GATAD2A: variants seen among roughly 807,000 people sequenced by gnomAD.
The protein encoded by GATAD2A is GATA zinc finger domain containing 2A.
In GATAD2A, 12 loss-of-function variants were observed where a neutral mutation model predicts 68.5. The observed-to-expected ratio is 0.18, with a 90% CI of 0.11 to 0.28. The LOEUF (loss-of-function observed/expected upper bound fraction) is 0.28. Ranked by LOEUF, GATAD2A falls within the 10% of genes least tolerant of loss-of-function variation. The probability of loss-of-function intolerance (pLI) is 1.00; values close to 1 mark genes in which losing one functional copy is unlikely to be tolerated. For synonymous variants in GATAD2A, 410 were observed against 375.3 expected (o/e 1.09, Z -1.07); for missense variants, 755 against 868.5 (o/e 0.87, Z 1.64).
intron 1 of GATAD2A, among the ~76,000 whole-genome samples, chr19:19,396,247 G>A (rs934841847): frequency 4.6e-5 from 7 of 152,142 alleles, no homozygotes; most frequent in African/African-American, 1.4e-4. Flanking sequence ...CTGGAAGGCG[G>A]AGGTTGCAGT....
intron 4 of GATAD2A, among the ~76,000 whole-genome samples, chr19:19,493,436 C>T (rs1350460223): frequency 2.0e-5 from 3 of 152,188 alleles, no homozygotes; most frequent in African/African-American, 4.8e-5. Flanking sequence ...GCTGAGCTCC[C>T]GTGGATCTCA....
chr19:19,463,550 C>T (rs754439936), intron 1 of GATAD2A, among the ~76,000 whole-genome samples: 22 of 152,198 alleles, frequency 1.4e-4, no homozygotes, highest in East Asian at 5.8e-4. Flanking sequence ...CAGCGGAGGC[C>T]GCACAGTTGG....
chr19:19,394,736 T>A (rs376116209), intron 1 of GATAD2A, among the ~76,000 whole-genome samples: 15 of 151,974 alleles, frequency 9.9e-5, no homozygotes, highest in African/African-American at 3.4e-4. Flanking sequence ...GAGCCACCAC[T>A]CCCGGCCCAG....
chr19:19,490,080 C>T (rs925054721), intron 2 of GATAD2A, among the ~76,000 whole-genome samples: 2 of 152,204 alleles, frequency 1.3e-5, no homozygotes, highest in African/African-American at 4.8e-5. Flanking sequence ...ACAAACTACC[C>T]GGTTCTGGGC....
At chr19:19,428,255 T>C (rs2053323516) in intron 1 of GATAD2A, among the ~76,000 whole-genome samples, 1 of 152,232 alleles carries the variant, frequency 6.6e-6, no homozygotes, top group South Asian at 2.1e-4. Flanking sequence ...ATTTGGTTTC[T>C]GGGCACTTAA....
intron 7 of GATAD2A, among the ~76,000 whole-genome samples, chr19:19,497,684 T>C (rs933839882): frequency 1.3e-5 from 2 of 152,166 alleles, no homozygotes; most frequent in Admixed American, 1.3e-4. Context: ...TTGCAAGTCA[T>C]TGGGTGTGTC....
chr19:19,424,042 G>T (rs1339591372), intron 1 of GATAD2A, among the ~76,000 whole-genome samples: 1 of 152,072 alleles, frequency 6.6e-6, no homozygotes, highest in Non-Finnish European at 1.5e-5. Context: ...TTCCACCTCA[G>T]CCTCCCGAGT....
At chr19:19,469,211 C>T (rs1274471686) in intron 2 of GATAD2A, among the ~76,000 whole-genome samples, 4 of 151,912 alleles carry the variant, frequency 2.6e-5, no homozygotes, top group African/African-American at 9.7e-5. Context: ...GCAGGTGGAT[C>T]ACAAGGTCAG....
intron 1 of GATAD2A, among the ~76,000 whole-genome samples, chr19:19,447,851 T>G (rs1317364296): frequency 6.6e-6 from 1 of 152,222 alleles, no homozygotes; most frequent in Non-Finnish European, 1.5e-5. Flanking sequence ...ACTTTCCACT[T>G]GACATTTCCT....
chr19:19,402,754 T>TG (rs1386601194), upstream of GATAD2A, among the ~76,000 whole-genome samples: 17 of 151,448 alleles, frequency 1.1e-4, no homozygotes, highest in African/African-American at 2.4e-4. Context: ...AAGGGTTTTT[T>TG]TTTTTTGTTT....
intron 2 of GATAD2A, among the ~76,000 whole-genome samples, chr19:19,473,377 T>C (rs2148133708): frequency 6.6e-6 from 1 of 152,324 alleles, no homozygotes; most frequent in East Asian, 1.9e-4. Flanking sequence ...GGTCAAGCAC[T>C]TGTGGCCAGT....
Position 19,437,157 on chromosome 19 carries a change from T to A in GATAD2A, c.-6-28183T>A, listed in dbSNP as rs145782748. 6.1e-3 allele frequency among the ~76,000 whole-genome samples: 925 copies of A among 152,282 alleles called. 5 individuals are homozygous for A. Among genetic ancestry groups the A allele is most frequent in the African/African-American group, 0.021 (860 of 41,546 alleles). On this transcript the variant is annotated intron_variant, in intron 1 of 11. Transcript: ENST00000683918. The stretch of plus-strand genomic sequence containing the variant: ...TTATTTTTTATGTTTTGAGACAGGG[T>A]CTCACTCTGTCACCCAGGCTGGAGT...
chr19:19,408,956 A>AAGG (rs1187064407), intron 1 of GATAD2A, among the ~76,000 whole-genome samples: 1 of 151,274 alleles, frequency 6.6e-6, no homozygotes, highest in African/African-American at 2.4e-5. Flanking sequence ...CAGATGACTA[A>AAGG]AGGATGCCTC....
chr19:19,394,107 C>T (rs975993341), intron 1 of GATAD2A, among the ~76,000 whole-genome samples: 4 of 151,876 alleles, frequency 2.6e-5, no homozygotes, highest in African/African-American at 4.8e-5. Context: ...AGGGTGGTCT[C>T]GAACTCCTGA....
rs577360434 is a variant in GATAD2A, at chr19:19,461,778, C to T, written c.-6-3562C>T. Among the ~76,000 whole-genome samples, 26 of 152,348 alleles carry T rather than the reference C, an allele frequency of 1.7e-4. No individual in the cohort carries two copies. The South Asian group carries it at 5.2e-3, about 30-fold the overall frequency. On this transcript the variant is annotated intron_variant, in intron 1 of 11. Transcript: ENST00000683918. ...CATCTGTGCTGGCTTGCAGTCCGGC[C>T]TGGGGTGTTTGGAGAGAGTGAGGAG...
intron 2 of GATAD2A, among the ~76,000 whole-genome samples, chr19:19,475,508 C>G (rs1230715976): frequency 6.6e-6 from 1 of 152,176 alleles, no homozygotes; most frequent in Admixed American, 6.5e-5. Context: ...TGCCCCAGCC[C>G]CTCCCCAGCA....
chr19:19,415,885 G>A (rs1819277449), intron 1 of GATAD2A, among the ~76,000 whole-genome samples: 1 of 151,960 alleles, frequency 6.6e-6, no homozygotes, highest in African/African-American at 2.4e-5. Flanking sequence ...CCCAAAGTTG[G>A]AATTGCAGGC....
At chr19:19,445,117 T>C (rs1166470468) in intron 1 of GATAD2A, among the ~76,000 whole-genome samples, 1 of 152,132 alleles carries the variant, frequency 6.6e-6, no homozygotes, top group Non-Finnish European at 1.5e-5. Flanking sequence ...TGAGTTCCCA[T>C]GTGTACAGTG....
chr19:19,502,531 G>T lies in GATAD2A; in HGVS notation c.1774+5G>T, dbSNP rs1477190361. Reference sequence around the variant, plus strand: ...AGAAGACGCCCCTCAGCACAGGTGGGTGACCTCCACAGGGCTCCCCAGGGG... The same window carrying T: ...AGAAGACGCCCCTCAGCACAGGTGGTTGACCTCCACAGGGCTCCCCAGGGG... On this transcript the variant is annotated splice_donor_5th_base_variant and intron_variant, in intron 11 of 11. Coordinates refer to ENST00000683918, the MANE Select transcript of GATAD2A (RefSeq NM_001384528.1). 1.3e-5 allele frequency: 21 copies of T among 1,604,272 alleles called. No individual in the cohort carries two copies. Among genetic ancestry groups the T allele is most frequent in the Non-Finnish European group, 1.7e-5 (20 of 1,174,898 alleles).
Sources: gnomAD v4.1 joint callset for allele counts (sites outside exome capture counted in the v4.1 genomes callset) on GRCh38, gnomAD v4.1.1 for gene constraint, MANE v1.5 for transcripts, NCBI Gene and HGNC (gene_info 2026-07-23, HGNC 2026-07-21) for gene names.